GTPBP1: variants seen among roughly 807,000 people sequenced by gnomAD.
The protein encoded by GTPBP1 is GTP binding protein 1.
In GTPBP1, 23 loss-of-function variants were observed where a neutral mutation model predicts 62.0. That is an observed-to-expected ratio of 0.37 (90% CI 0.27 to 0.53). The LOEUF is 0.53. GTPBP1 is among the 20% of genes least tolerant of loss of function. The probability of loss-of-function intolerance (pLI) is 0.89; values close to 1 mark genes in which losing one functional copy is unlikely to be tolerated. For synonymous variants in GTPBP1, 344 were observed against 364.4 expected (o/e 0.94, Z 0.64); for missense variants, 640 against 917.3 (o/e 0.70, Z 3.90).
At chr22:38,713,277 G>A (rs768822994) in intron 2 of GTPBP1, among the ~76,000 whole-genome samples, 3 of 152,162 alleles carry the variant, frequency 2.0e-5, no homozygotes, top group Non-Finnish European at 4.4e-5. Context: ...GAGGGAGTAC[G>A]GCACAAATGG....
rs570175077 is a variant in GTPBP1, at chr22:38,727,680, C to A, written c.1538-303C>A. 1.3e-3 allele frequency among the ~76,000 whole-genome samples: 199 copies of A among 152,312 alleles called. No homozygotes were observed. The highest frequency in any genetic ancestry group is 3.4e-3 in the Middle Eastern group (1 of 294). Reference sequence around the variant, plus strand: ...GTAGATGGGCAAGGATCCTTCCCCGCAGAAGCCCACAGTCCAGCGAGGAGG... The same window carrying A: ...GTAGATGGGCAAGGATCCTTCCCCGAAGAAGCCCACAGTCCAGCGAGGAGG... On this transcript the variant is annotated intron_variant, in intron 9 of 11. Coordinates refer to ENST00000216044, the MANE Select transcript of GTPBP1 (RefSeq NM_004286.5). This position sits in a 1 kb window ranked among gnomAD's most constrained non-coding sequence, Gnocchi z 6.5.
At chr22:38,721,349 G>GT (rs2092699729) in intron 4 of GTPBP1, among the ~76,000 whole-genome samples, 1 of 152,114 alleles carries the variant, frequency 6.6e-6, no homozygotes, top group African/African-American at 2.4e-5. Flanking sequence ...AAGTGCTGGG[G>GT]TTACAGGAGT....
chr22:38,709,489 TA>T (rs1340362851), intron 2 of GTPBP1, among the ~76,000 whole-genome samples: 3 of 152,168 alleles, frequency 2.0e-5, no homozygotes, highest in Non-Finnish European at 4.4e-5. Context: ...GCTTCCTTTT[TA>T]CCTCCAGTAC....
intron 1 of GTPBP1, 45 bp from the exon 2 acceptor site, chr22:38,708,800 C>T (rs755717621): frequency 9.6e-7 from 1 of 1,042,990 alleles, no homozygotes; most frequent in Non-Finnish European, 1.5e-6. Context: ...GGCTGTGGTG[C>T]TCTTCTAGCA....
intron 5 of GTPBP1, among the ~76,000 whole-genome samples, chr22:38,722,527 G>A (rs573897135): frequency 6.6e-6 from 1 of 152,258 alleles, no homozygotes; most frequent in Admixed American, 6.5e-5. Flanking sequence ...ATATTCTGTA[G>A]AAACTAGCTA....
At chr22:38,739,509 A>G (rs2092836164), downstream of GTPBP1, 1 of 1,502,396 alleles carries the variant, frequency 6.7e-7, no homozygotes. The surrounding 1 kb of genome is among the most constrained non-coding windows in gnomAD (Gnocchi z 6.7). Context: ...CCAAGGACCC[A>G]TGGGCTGACC....
At chr22:38,737,965 GC>G, downstream of GTPBP1, 1 of 703,440 alleles carries the variant, frequency 1.4e-6, no homozygotes, top group Non-Finnish European at 2.7e-6. This position sits in a 1 kb window ranked among gnomAD's most constrained non-coding sequence, Gnocchi z 4.1. Flanking sequence ...CTTCCCTCAT[GC>G]TGCCCTTCTG....
In GTPBP1 at chr22:38,728,371, A is replaced by G. The variant is rs1459738351; in HGVS notation, c.1716+210A>G. The G allele has an allele frequency of 3.6e-5, 20 of 561,958 alleles. No individual in the cohort carries two copies. In the East Asian group the frequency reaches 5.2e-4, roughly 14 times the overall value. The allele number at this position is 561,958 out of a possible 1,614,324, so 34.8% of individuals were successfully genotyped here. A position where few individuals can be genotyped will look rare whatever the true frequency, so the allele number is the denominator to read the frequency against. On this transcript the variant is annotated intron_variant, in intron 10 of 11. Coordinates refer to ENST00000216044, the MANE Select transcript of GTPBP1 (RefSeq NM_004286.5). The stretch of plus-strand genomic sequence containing the variant: ...GTGGTGACCATGGAGAGGAGAAGGT[A>G]GGGTTAGGGTATGATCTTCCTCCAT...
chr22:38,719,477 C>A (rs771461724), intron 4 of GTPBP1, among the ~76,000 whole-genome samples: 37 of 152,030 alleles, frequency 2.4e-4, no homozygotes, highest in Admixed American at 1.6e-3. Flanking sequence ...CTGGCTAATA[C>A]TAATTTTTTT....
Position 38,721,816 on chromosome 22 carries a change from C to A in GTPBP1, c.909C>A (p.Val303=). ...TGGCACTGGCACTCAATGTACCTGT[C>A]TTTGTGGTAGTCACCAAGATTGACA... ...LGLALALNVP[V]FVVVTKIDMC... is the part of the protein sequence containing the mutation. The change falls in exon 5 of 12, where the codon GTC becomes GTA. Residue 303 remains valine (V), a synonymous_variant. Coordinates refer to ENST00000216044, the MANE Select transcript of GTPBP1 (RefSeq NM_004286.5). 6.2e-7 allele frequency: 1 copy of A among 1,612,230 alleles called. No individual in the cohort carries two copies. Among genetic ancestry groups the A allele is most frequent in the Non-Finnish European group, 8.5e-7 (1 of 1,178,490 alleles).
chr22:38,741,615 T>C (rs970676986), downstream of GTPBP1: 1 of 1,563,938 alleles, frequency 6.4e-7, no homozygotes, highest in African/African-American at 1.4e-5. Context: ...GAGCCATGCT[T>C]ATAGGGACCC....
intron 4 of GTPBP1, among the ~76,000 whole-genome samples, chr22:38,717,757 C>G (rs1159697386): frequency 1.3e-5 from 2 of 152,184 alleles, no homozygotes; most frequent in African/African-American, 2.4e-5. Flanking sequence ...ATCTTCCTCC[C>G]TGGACAGACA....
intron 2 of GTPBP1, 149 bp downstream of exon 2, chr22:38,709,105 A>G (rs997639646): frequency 1.9e-6 from 1 of 531,892 alleles, no homozygotes; most frequent in Non-Finnish European, 3.4e-6. Context: ...CAACATGGTG[A>G]AACCCCATCT....
intron 1 of GTPBP1, among the ~76,000 whole-genome samples, chr22:38,707,126 C>T (rs138862774): frequency 6.6e-6 from 1 of 152,262 alleles, no homozygotes; most frequent in East Asian, 1.9e-4. Flanking sequence ...TAAGAAGACA[C>T]CTAATAGTGC....
rs187415009 is a variant in GTPBP1, at chr22:38,726,900, G to C, written c.1402-313G>C. ...GGACTTTCTTCCCCACAGTGGTCAG[G>C]TCATGCCCACCTGTTGTTCCCCCTG... On this transcript the variant is annotated intron_variant, in intron 8 of 11. Coordinates refer to ENST00000216044, the MANE Select transcript of GTPBP1 (RefSeq NM_004286.5). The surrounding 1 kb of genome is among the most constrained non-coding windows in gnomAD (Gnocchi z 4.1). Among the ~76,000 whole-genome samples, 1 of 152,176 alleles carries C rather than the reference G, an allele frequency of 6.6e-6. No homozygotes were observed. Among genetic ancestry groups the C allele is most frequent in the South Asian group, 2.1e-4 (1 of 4,826 alleles).
At chr22:38,721,438 A>G (rs1569281091) in intron 4 of GTPBP1, among the ~76,000 whole-genome samples, 1 of 151,998 alleles carries the variant, frequency 6.6e-6, no homozygotes, top group Non-Finnish European at 1.5e-5. Context: ...CCTGGTCTCA[A>G]ACTCCTGGCC....
At position 38,730,563 on chromosome 22, in the gene GTPBP1, C is replaced by A; in HGVS notation, c.1918-49C>A. ...CTGCTCAGCACCTCTGCTCTCTGGC[C>A]CTGCTCCTGATGGGCCAGTGCTTCT... On this transcript the variant is annotated intron_variant, in intron 11 of 11. Coordinates refer to ENST00000216044, the MANE Select transcript of GTPBP1 (RefSeq NM_004286.5). This position sits in a 1 kb window ranked among gnomAD's most constrained non-coding sequence, Gnocchi z 5.6. 1 of 1,252,692 alleles carries A rather than the reference C, an allele frequency of 8.0e-7. No homozygotes were observed. Among genetic ancestry groups the A allele is most frequent in the Non-Finnish European group, 1.2e-6 (1 of 861,320 alleles). The allele number at this position is 1,252,692 out of a possible 1,614,324, so 77.6% of individuals were successfully genotyped here.
At chr22:38,738,944 T>A, downstream of GTPBP1, 1 of 1,613,696 alleles carries the variant, frequency 6.2e-7, no homozygotes, top group South Asian at 1.1e-5. This position sits in a 1 kb window ranked among gnomAD's most constrained non-coding sequence, Gnocchi z 6.6. Context: ...AGGGCCGTCT[T>A]GGTCTCGTAG....
chr22:38,728,256 C>A, intron 10 of GTPBP1, 95 bp downstream of exon 10: 2 of 863,814 alleles, frequency 2.3e-6, no homozygotes, highest in Non-Finnish European at 1.9e-6. Flanking sequence ...TAGTCACTGC[C>A]ATGGGAGAGC....
Sources: gnomAD v4.1 joint callset for allele counts (sites outside exome capture counted in the v4.1 genomes callset) on GRCh38, gnomAD v4.1.1 for gene constraint, Gnocchi (gnomAD v3.1) non-coding constraint, MANE v1.5 for transcripts, NCBI Gene and HGNC (gene_info 2026-07-23, HGNC 2026-07-21) for gene names.